IQCH: variants seen among roughly 807,000 people sequenced by gnomAD.
IQCH encodes the protein IQ motif containing H.
In IQCH, 98 loss-of-function variants were observed where a neutral mutation model predicts 117.0. The ratio of observed to expected loss-of-function variants is 0.84; its 90% CI spans 0.71 to 0.99. The LOEUF (loss-of-function observed/expected upper bound fraction) is 0.99, where lower values mean the gene tolerates loss of function less well. Among genes scored for constraint, IQCH ranks in the 50% least tolerant of loss-of-function variants. The pLI, the probability that IQCH is intolerant of heterozygous loss-of-function variation, is 0.00. For missense variants in IQCH, 1,102 were observed against 1,243.8 expected (o/e 0.89, Z 1.72); for synonymous variants, 412 against 448.2 (o/e 0.92, Z 1.02).
intron 4 of IQCH, among the ~76,000 whole-genome samples, chr15:67,335,609 A>G (rs1216115301): frequency 1.3e-5 from 2 of 152,104 alleles, no homozygotes; most frequent in African/African-American, 4.8e-5. Flanking sequence ...TCTGGAGATG[A>G]GGTGGGGAGA....
chr15:67,430,479 A>G lies in IQCH; in HGVS notation c.2505+8902A>G, dbSNP rs190281517. On this transcript the variant is annotated intron_variant, in intron 16 of 20. Transcript: ENST00000335894. The surrounding 1 kb of genome is among the most constrained non-coding windows in gnomAD (Gnocchi z 5.1). ...CATCGTCCCATTTTATTTGCTATAC[A>G]TGCACACAATTGTTTTATACTTGTA... The G allele has an allele frequency of 6.6e-6, 1 of 152,318 alleles. No homozygotes were observed. Among genetic ancestry groups the G allele is most frequent in the East Asian group, 1.9e-4 (1 of 5,184 alleles). 9.4% of individuals were successfully genotyped at this position (152,318 alleles called of 1,614,324 possible). A position where few individuals can be genotyped will look rare whatever the true frequency, so the allele number is the denominator to read the frequency against.
intron 4 of IQCH, among the ~76,000 whole-genome samples, chr15:67,283,547 C>T (rs1053169786): frequency 2.0e-5 from 3 of 151,626 alleles, no homozygotes; most frequent in East Asian, 1.9e-4. Context: ...ATTGACTATC[C>T]GTGACAGCAA....
intron 4 of IQCH, among the ~76,000 whole-genome samples, chr15:67,310,963 C>G (rs1214365335): frequency 6.6e-6 from 1 of 152,052 alleles, no homozygotes; most frequent in African/African-American, 2.4e-5. Context: ...GGTAATTTAG[C>G]TCTTCAATTG....
At chr15:67,468,619 C>T (rs1222091183) in intron 17 of IQCH, among the ~76,000 whole-genome samples, 6 of 152,180 alleles carry the variant, frequency 3.9e-5, no homozygotes, top group South Asian at 2.1e-4. Flanking sequence ...ATGCCTGCTT[C>T]GTAACTGAAA....
intron 20 of IQCH, among the ~76,000 whole-genome samples, chr15:67,495,813 T>C (rs1046717961): frequency 6.6e-6 from 1 of 152,224 alleles, no homozygotes; most frequent in African/African-American, 2.4e-5. Context: ...CCTTCTGATA[T>C]GAATGTTTGT....
intron 4 of IQCH, among the ~76,000 whole-genome samples, chr15:67,336,303 T>C (rs1225634423): frequency 6.6e-6 from 1 of 152,144 alleles, no homozygotes; most frequent in African/African-American, 2.4e-5. Flanking sequence ...CATAAACTCC[T>C]ACGATAAAGG....
At position 67,443,890 on chromosome 15, in the gene IQCH, G is replaced by A. The variant is rs2082336132; in HGVS notation, c.2506-21237G>A. ...AACCCTAATCTTCACATCCTGAGAA[G>A]TATTATTATCCCTAATTTACAAATG... On this transcript the variant is annotated intron_variant, in intron 16 of 20. Transcript: ENST00000335894. The surrounding 1 kb of genome is among the most constrained non-coding windows in gnomAD (Gnocchi z 5.0). 6.6e-6 allele frequency among the ~76,000 whole-genome samples: 1 copy of A among 152,174 alleles called. No homozygotes were observed. Among genetic ancestry groups the A allele is most frequent in the Non-Finnish European group, 1.5e-5 (1 of 68,032 alleles).
In IQCH at chr15:67,258,104, A is replaced by C. The variant is rs1389254876; in HGVS notation, c.51+3157A>C. Among the ~76,000 whole-genome samples the C allele has an allele frequency of 2.0e-5, 3 of 151,396 alleles. No individual in the cohort carries two copies. In the East Asian group the frequency reaches 5.8e-4, roughly 29 times the overall value. The stretch of plus-strand genomic sequence containing the variant: ...AAATTAGCTAGGTGTGGTGGCAGGC[A>C]CCTGTAATCCCAGCTACTTGGGAGG... On this transcript the variant is annotated intron_variant, in intron 1 of 20. Transcript: ENST00000335894.
rs2083968642 is a variant in IQCH, at chr15:67,501,090, T to C, written c.*344T>C. The C allele has an allele frequency of 6.3e-6, 1 of 157,584 alleles. No individual in the cohort carries two copies. 9.8% of individuals were successfully genotyped at this position (157,584 alleles called of 1,614,324 possible). ...TCATAGGCCTCAGGATTATGTAGCT[T>C]TTATTTTTTATGTTTTATAAAGTTT... On this transcript the variant is annotated 3_prime_UTR_variant, in exon 21 of 21. Transcript: ENST00000335894. The surrounding 1 kb of genome is among the most constrained non-coding windows in gnomAD (Gnocchi z 5.2).
rs139554261 is a variant in IQCH at position 67,479,729 on chromosome 15, G to A, written c.2799+3911G>A. Reference sequence around the variant, plus strand: ...TTGGTTGAATTTAACATGGGTGCTCGTTCCAGAAAAAGAAAGCAACATTAA... The same window carrying A: ...TTGGTTGAATTTAACATGGGTGCTCATTCCAGAAAAAGAAAGCAACATTAA... On this transcript the variant is annotated intron_variant, in intron 18 of 20. Coordinates refer to ENST00000335894, the MANE Select transcript of IQCH (RefSeq NM_001031715.3). This position sits in a 1 kb window ranked among gnomAD's most constrained non-coding sequence, Gnocchi z 4.6. 1.4e-4 allele frequency among the ~76,000 whole-genome samples: 22 copies of A among 152,278 alleles called. No homozygotes were observed. The highest frequency in any genetic ancestry group is 4.3e-4 in the African/African-American group (18 of 41,568).
rs1971076746 is a variant in IQCH, at chr15:67,385,366, G to C, written c.1456+347G>C. Among the ~76,000 whole-genome samples the C allele has an allele frequency of 6.6e-6, 1 of 152,082 alleles. No homozygotes were observed. The highest frequency in any genetic ancestry group is 2.4e-5 in the African/African-American group (1 of 41,410). On this transcript the variant is annotated intron_variant, in intron 11 of 20. Coordinates refer to ENST00000335894, the MANE Select transcript of IQCH (RefSeq NM_001031715.3). The surrounding 1 kb of genome is among the most constrained non-coding windows in gnomAD (Gnocchi z 4.6). ...AAAGTTTTACATTTGTGTCAGTCTTGTCTCTTATAGTATCTGGGGAATGTG... is the reference window on the plus strand; with the variant it reads ...AAAGTTTTACATTTGTGTCAGTCTTCTCTCTTATAGTATCTGGGGAATGTG...
rs2081914116 is a variant in IQCH, at chr15:67,427,258, T to C, written c.2505+5681T>C. Reference sequence around the variant, plus strand: ...CTCCTGCCATCTTCTTTGCCTACTCTATCTGTGCCCTACCCCTCCATGCCT... The same window carrying C: ...CTCCTGCCATCTTCTTTGCCTACTCCATCTGTGCCCTACCCCTCCATGCCT... On this transcript the variant is annotated intron_variant, in intron 16 of 20. Coordinates refer to ENST00000335894, the MANE Select transcript of IQCH (RefSeq NM_001031715.3). This position sits in a 1 kb window ranked among gnomAD's most constrained non-coding sequence, Gnocchi z 4.7. Among the ~76,000 whole-genome samples, 1 of 152,230 alleles carries C rather than the reference T, an allele frequency of 6.6e-6. No individual in the cohort carries two copies. Among genetic ancestry groups the C allele is most frequent in the South Asian group, 2.1e-4 (1 of 4,834 alleles).
rs28494000 is a variant in IQCH, at chr15:67,398,931, G to C, written c.1906-1183G>C. Among the ~76,000 whole-genome samples the C allele has an allele frequency of 5.3e-3, 807 of 152,240 alleles. 10 individuals are homozygous for C. The highest frequency in any genetic ancestry group is 0.018 in the African/African-American group (757 of 41,556). ...AGACAAGACAGAAAAATCGTTTTGTGAGTTAATGAGGTATTTTTCTCCCAG... is the reference window on the plus strand; with the variant it reads ...AGACAAGACAGAAAAATCGTTTTGTCAGTTAATGAGGTATTTTTCTCCCAG... On this transcript the variant is annotated intron_variant, in intron 13 of 20. Coordinates refer to ENST00000335894, the MANE Select transcript of IQCH (RefSeq NM_001031715.3).
rs376484021 is a variant in IQCH, at chr15:67,254,878, G to T, written c.-19G>T. ...TGGAAACCGCGCCTCCGCGGAGGTA[G>T]CCGTTCCCTGACCTAGCCATGGCAC... On this transcript the variant is annotated 5_prime_UTR_variant, in exon 1 of 21. Transcript: ENST00000335894. The T allele has an allele frequency of 2.7e-5, 44 of 1,612,526 alleles. No homozygotes were observed. Among genetic ancestry groups the T allele is most frequent in the Non-Finnish European group, 3.4e-5 (40 of 1,179,184 alleles).
intron 4 of IQCH, among the ~76,000 whole-genome samples, chr15:67,300,788 A>C (rs994336582): frequency 2.0e-5 from 3 of 152,140 alleles, no homozygotes; most frequent in Admixed American, 6.6e-5. Context: ...TTTAATTCAG[A>C]AGTTGTTCTA....
At chr15:67,281,773 A>G (rs1434111575) in intron 4 of IQCH, 3 of 454,642 alleles carry the variant, frequency 6.6e-6, no homozygotes, top group African/African-American at 2.0e-5. Context: ...CAAAGTACAT[A>G]TTTTGGGGTA....
chr15:67,265,085 A>C (rs1965616009), intron 3 of IQCH, among the ~76,000 whole-genome samples: 1 of 152,212 alleles, frequency 6.6e-6, no homozygotes, highest in Non-Finnish European at 1.5e-5. Context: ...AATTCTAATG[A>C]AAGAATCCAA....
intron 16 of IQCH, among the ~76,000 whole-genome samples, chr15:67,464,379 G>A (rs1385285433): frequency 1.3e-5 from 2 of 152,190 alleles, no homozygotes; most frequent in East Asian, 1.9e-4. Flanking sequence ...TTTGTCAAAC[G>A]AATTAGTGGA....
In IQCH at chr15:67,304,409, C is replaced by T. The variant is rs371386933; in HGVS notation, c.387+24897C>T. ...ATCCACCACAGAGCTGCTGTAAATG[C>T]GAACTATGGAATCAGTTTGCCATAT... On this transcript the variant is annotated intron_variant, in intron 4 of 20. Transcript: ENST00000335894. 3.3e-5 allele frequency: 50 copies of T among 1,533,542 alleles called. No individual in the cohort carries two copies. In the Middle Eastern group the frequency reaches 5.0e-4, roughly 15 times the overall value. 95.0% of individuals were successfully genotyped at this position (1,533,542 alleles called of 1,614,324 possible).
Sources: allele counts gnomAD v4.1 joint callset (sites outside exome capture counted in the v4.1 genomes callset), GRCh38; gene constraint gnomAD v4.1.1; non-coding constraint Gnocchi (gnomAD v3.1); transcripts MANE v1.5; gene names NCBI Gene and HGNC (gene_info 2026-07-23, HGNC 2026-07-21).